The following RBFOX1 variants were observed in gnomAD, a reference collection of about 807,000 sequenced individuals.
The protein encoded by RBFOX1 is RNA binding fox-1 homolog 1.
In RBFOX1, 8 loss-of-function variants were observed where a neutral mutation model predicts 57.7. The observed-to-expected ratio is 0.14, with a 90% CI of 0.08 to 0.25. The LOEUF (loss-of-function observed/expected upper bound fraction) is 0.25, where lower values mean the gene tolerates loss of function less well. Ranked by LOEUF, RBFOX1 falls within the 10% of genes least tolerant of loss-of-function variation. RBFOX1 has a pLI of 1.00. For synonymous variants in RBFOX1, 326 were observed against 222.4 expected (o/e 1.47, Z -4.15); for missense variants, 611 against 548.5 (o/e 1.11, Z -1.14).
intron 4 of RBFOX1, among the ~76,000 whole-genome samples, chr16:7,339,509 C>T (rs1054335789): frequency 1.1e-4 from 17 of 152,198 alleles, no homozygotes; most frequent in Non-Finnish European, 5.9e-5. Context: ...GGCATGATCT[C>T]AGCTCACTGC....
At chr16:5,362,213 A>G (rs1360449424) in intron 1 of RBFOX1, among the ~76,000 whole-genome samples, 1 of 151,378 alleles carries the variant, frequency 6.6e-6, no homozygotes. Flanking sequence ...TTTTTTTGAG[A>G]TGGAGTCTCG....
intron 2 of RBFOX1, among the ~76,000 whole-genome samples, chr16:5,514,436 T>C (rs1317259208): frequency 6.6e-6 from 1 of 152,176 alleles, no homozygotes; most frequent in Non-Finnish European, 1.5e-5. Flanking sequence ...TGCTGCCTTC[T>C]CCTGGACAAA....
chr16:5,795,082 C>T (rs1378461691), intron 3 of RBFOX1, among the ~76,000 whole-genome samples: 2 of 152,220 alleles, frequency 1.3e-5, no homozygotes, highest in African/African-American at 4.8e-5. Context: ...CTCAGTTTCT[C>T]ATGTGGAGAA....
intron 3 of RBFOX1, among the ~76,000 whole-genome samples, chr16:6,724,159 C>A (rs550687392): frequency 6.6e-6 from 1 of 151,836 alleles, no homozygotes; most frequent in Non-Finnish European, 1.5e-5. Flanking sequence ...GCTTTACAGA[C>A]CTCCTTGCCT....
At chr16:7,138,055 T>A (rs1417145394) in intron 4 of RBFOX1, among the ~76,000 whole-genome samples, 2 of 152,186 alleles carry the variant, frequency 1.3e-5, no homozygotes, top group African/African-American at 2.4e-5. Context: ...TTAGTCACCA[T>A]CTTAAGAATG....
intron 10 of RBFOX1, among the ~76,000 whole-genome samples, chr16:7,630,135 C>G (rs1041552744): frequency 6.6e-6 from 1 of 151,880 alleles, no homozygotes; most frequent in African/African-American, 2.4e-5. Flanking sequence ...CGTCTCCAGT[C>G]ATATGATGCA....
At chr16:6,071,491 T>C (rs371419105) in intron 1 of RBFOX1, among the ~76,000 whole-genome samples, 144 of 152,236 alleles carry the variant, frequency 9.5e-4, no homozygotes, top group African/African-American at 3.2e-3. Context: ...AGTTTACCGA[T>C]ATAACAAACC....
intron 3 of RBFOX1, among the ~76,000 whole-genome samples, chr16:5,824,686 T>C (rs1251766456): frequency 1.3e-5 from 2 of 152,230 alleles, no homozygotes; most frequent in Non-Finnish European, 2.9e-5. Context: ...GCATCTTGCC[T>C]TTGCAGGGCA....
intron 2 of RBFOX1, among the ~76,000 whole-genome samples, chr16:6,386,483 C>T (rs984239219): frequency 1.3e-5 from 2 of 152,120 alleles, no homozygotes; most frequent in Non-Finnish European, 2.9e-5. Context: ...TAATTAACCC[C>T]GATGCTGGGG....
chr16:7,351,387 G>A (rs953415486), intron 4 of RBFOX1, among the ~76,000 whole-genome samples: 1 of 152,240 alleles, frequency 6.6e-6, no homozygotes, highest in Non-Finnish European at 1.5e-5. Context: ...TACGTGCAAG[G>A]CACGATGGCA....
chr16:6,620,053 G>A (rs1222506528), intron 2 of RBFOX1, among the ~76,000 whole-genome samples: 1 of 152,112 alleles, frequency 6.6e-6, no homozygotes, highest in Non-Finnish European at 1.5e-5. Flanking sequence ...TCTTTCTTAT[G>A]GCTGCATAGC....
At chr16:7,595,778 T>A (rs1568007334) in intron 8 of RBFOX1, 137 bp downstream of exon 8, 1 of 347,126 alleles carries the variant, frequency 2.9e-6, no homozygotes, top group Non-Finnish European at 4.5e-6. Flanking sequence ...ATATATATTT[T>A]TATATATAAA....
intron 1 of RBFOX1, among the ~76,000 whole-genome samples, chr16:5,431,717 G>A (rs373617319): frequency 6.6e-5 from 10 of 152,162 alleles, no homozygotes; most frequent in Admixed American, 4.6e-4. Flanking sequence ...ATTGTCTTGC[G>A]GGACTACCCA....
chr16:6,329,887 C>G (rs554789135), intron 2 of RBFOX1, among the ~76,000 whole-genome samples: 5 of 152,132 alleles, frequency 3.3e-5, no homozygotes, highest in African/African-American at 9.6e-5. Flanking sequence ...GCAGTGAGCC[C>G]AGATCACATG....
rs539952883 is a variant in RBFOX1, at chr16:6,977,191, CAT to C, written c.-15-74859_-15-74858del. 1.6e-3 allele frequency among the ~76,000 whole-genome samples: 234 copies of C among 145,330 alleles called. 1 individual carries two copies. Among genetic ancestry groups the C allele is most frequent in the African/African-American group, 5.0e-3 (197 of 39,630 alleles). ...TATCATATATAGATCATATATATCA[CAT>C]ATATATGTTTTATCATATATATTAT... On this transcript the variant is annotated intron_variant, in intron 3 of 15. Coordinates refer to ENST00000550418, the MANE Select transcript of RBFOX1 (RefSeq NM_018723.4).
intron 4 of RBFOX1, among the ~76,000 whole-genome samples, chr16:7,224,856 A>G (rs2092992143): frequency 6.6e-6 from 1 of 152,146 alleles, no homozygotes; most frequent in South Asian, 2.1e-4. Flanking sequence ...CACCTACTGG[A>G]TCAGAATGTG....
At chr16:7,213,291 G>T (rs556034705) in intron 4 of RBFOX1, among the ~76,000 whole-genome samples, 1 of 152,212 alleles carries the variant, frequency 6.6e-6, no homozygotes, top group South Asian at 2.1e-4. Flanking sequence ...ATTCGCTGAG[G>T]TTGCCTTAAA....
chr16:5,338,478 A>G (rs970986532), intron 1 of RBFOX1, among the ~76,000 whole-genome samples: 1 of 152,202 alleles, frequency 6.6e-6, no homozygotes. Context: ...ATCAGAAACT[A>G]GGGCCGTCTG....
intron 2 of RBFOX1, among the ~76,000 whole-genome samples, chr16:6,368,279 T>C (rs2534748): frequency 0.034 from 5,214 of 152,246 alleles, 299 homozygotes; most frequent in African/African-American, 0.12. Context: ...AAAATGGTGC[T>C]GGGACCACCC....
Sources: allele counts gnomAD v4.1 joint callset (sites outside exome capture counted in the v4.1 genomes callset), GRCh38; gene constraint gnomAD v4.1.1; transcripts MANE v1.5; gene names NCBI Gene and HGNC (gene_info 2026-07-23, HGNC 2026-07-21).